Variants in SRGAP1 observed in about 807,000 individuals in gnomAD.
SRGAP1 encodes the protein SLIT-ROBO Rho GTPase-activating protein 1.
SRGAP1 carries 43 observed loss-of-function variants against 121.9 expected under a neutral mutation model. The observed-to-expected ratio is 0.35, with a 90% CI of 0.28 to 0.46. The LOEUF (loss-of-function observed/expected upper bound fraction) is 0.46. Among genes scored for constraint, SRGAP1 ranks in the 20% least tolerant of loss-of-function variants. The pLI is 1.00. For synonymous variants in SRGAP1, 447 were observed against 485.4 expected (o/e 0.92, Z 1.04); for missense variants, 1,102 against 1,350.9 (o/e 0.82, Z 2.89).
intron 1 of SRGAP1, among the ~76,000 whole-genome samples, chr12:63,939,486 A>C (rs993943356): frequency 6.6e-6 from 1 of 152,142 alleles, no homozygotes; most frequent in African/African-American, 2.4e-5. Flanking sequence ...TATTAAATGG[A>C]AGACCCGAAA....
At chr12:63,860,536 A>G (rs1247772163) in intron 1 of SRGAP1, among the ~76,000 whole-genome samples, 1 of 152,192 alleles carries the variant, frequency 6.6e-6, no homozygotes, top group African/African-American at 2.4e-5. Context: ...ATCAAGGAGA[A>G]AAAAATCTCA....
intron 1 of SRGAP1, among the ~76,000 whole-genome samples, chr12:63,944,722 A>G (rs943368687): frequency 6.6e-6 from 1 of 152,220 alleles, no homozygotes; most frequent in African/African-American, 2.4e-5. Context: ...GTTGCCTTTG[A>G]TAGTGCAGAG....
At chr12:63,996,201 TTTTAGGC>T (rs1161508912) in intron 3 of SRGAP1, among the ~76,000 whole-genome samples, 1 of 152,050 alleles carries the variant, frequency 6.6e-6, no homozygotes, top group Non-Finnish European at 1.5e-5. Context: ...TACTTTTAAA[TTTTAGGC>T]TCTATCTTTT....
chr12:63,922,567 T>C (rs1393620843), intron 1 of SRGAP1, among the ~76,000 whole-genome samples: 1 of 152,202 alleles, frequency 6.6e-6, no homozygotes, highest in Non-Finnish European at 1.5e-5. Context: ...TCCATGATCC[T>C]ACTTCAACCT....
intron 1 of SRGAP1, among the ~76,000 whole-genome samples, chr12:63,861,245 TCAAGCAATCTGCCCAGCTTAGCCTCA>T (rs1899436287): frequency 6.7e-6 from 1 of 149,844 alleles, no homozygotes; most frequent in Non-Finnish European, 1.5e-5. Context: ...ACTCCTGAGC[TCAAGCAATCTGCCCAGCTTAGCCTCA>T]CAAAGGGATG....
At chr12:64,031,637 T>C (rs1283759299) in intron 4 of SRGAP1, among the ~76,000 whole-genome samples, 1 of 152,132 alleles carries the variant, frequency 6.6e-6, no homozygotes, top group African/African-American at 2.4e-5. Context: ...CTAAATGTCA[T>C]CCTACACTAT....
chr12:64,078,793 T>C, intron 8 of SRGAP1, 126 bp from the exon 9 acceptor site: 1 of 887,384 alleles, frequency 1.1e-6, no homozygotes, highest in Non-Finnish European at 1.7e-6. Context: ...GTTTCTCTCC[T>C]AATAGACTGT....
At chr12:64,121,238 C>T (rs1374826835) in intron 18 of SRGAP1, among the ~76,000 whole-genome samples, 4 of 151,946 alleles carry the variant, frequency 2.6e-5, no homozygotes, top group African/African-American at 9.7e-5. Context: ...GTCTCAAACT[C>T]CTGGGCTCAA....
intron 1 of SRGAP1, chr12:63,888,436 C>A (rs1444640066): frequency 1.3e-5 from 2 of 152,114 alleles, no homozygotes; most frequent in Admixed American, 6.6e-5. Context: ...TTAATCTGTA[C>A]ATGGTGATTT....
intron 10 of SRGAP1, among the ~76,000 whole-genome samples, chr12:64,084,337 G>A (rs544504020): frequency 6.7e-6 from 1 of 149,216 alleles, no homozygotes; most frequent in African/African-American, 2.4e-5. Flanking sequence ...ATATGTTGGG[G>A]GGTGTGGCGA....
Position 63,886,521 on chromosome 12 carries a change from G to A in SRGAP1, c.67+41638G>A, listed in dbSNP as rs900193142. 9.4e-5 allele frequency among the ~76,000 whole-genome samples: 14 copies of A among 148,550 alleles called. No homozygotes were observed. The East Asian group carries it at 1.4e-3, about 14-fold the overall frequency. ...TTTTTTAAGACAGTCTCACCTTGTCGTCCAGGCTGGAGTCCAGGCACAATC... is the reference window on the plus strand; with the variant it reads ...TTTTTTAAGACAGTCTCACCTTGTCATCCAGGCTGGAGTCCAGGCACAATC... On this transcript the variant is annotated intron_variant, in intron 1 of 21. Coordinates refer to ENST00000355086, the MANE Select transcript of SRGAP1 (RefSeq NM_020762.4).
intron 1 of SRGAP1, among the ~76,000 whole-genome samples, chr12:63,960,087 A>G (rs1254487339): frequency 6.6e-6 from 1 of 152,198 alleles, no homozygotes; most frequent in East Asian, 1.9e-4. Flanking sequence ...ATTAGTGCCT[A>G]GACGATGGAT....
chr12:64,045,476 C>T (rs929735688), intron 6 of SRGAP1, among the ~76,000 whole-genome samples: 1 of 151,324 alleles, frequency 6.6e-6, no homozygotes. Flanking sequence ...CACTCTGTCA[C>T]GTAGGCTGGA....
chr12:63,982,484 C>T (rs1316782301), intron 1 of SRGAP1: 2 of 152,196 alleles, frequency 1.3e-5, no homozygotes, highest in East Asian at 3.8e-4. Flanking sequence ...CCTGACTCCC[C>T]ATTCAGAACC....
At chr12:64,037,584 T>C (rs1435480734) in intron 4 of SRGAP1, among the ~76,000 whole-genome samples, 1 of 152,270 alleles carries the variant, frequency 6.6e-6, no homozygotes. Context: ...CCAACTTATC[T>C]AATCTTATCC....
intron 4 of SRGAP1, among the ~76,000 whole-genome samples, chr12:64,018,090 T>A (rs7308431): frequency 6.6e-6 from 1 of 151,844 alleles, no homozygotes; most frequent in Non-Finnish European, 1.5e-5. Flanking sequence ...ACAAGATTAT[T>A]TTGTTTGTTG....
At chr12:64,092,505 T>TAC (rs1565677432) in intron 12 of SRGAP1, among the ~76,000 whole-genome samples, 58 of 142,320 alleles carry the variant, frequency 4.1e-4, no homozygotes, top group African/African-American at 1.6e-3. Context: ...TACATACATA[T>TAC]GTACATAGAT....
chr12:64,011,963 G>A (rs1428892192), intron 3 of SRGAP1, among the ~76,000 whole-genome samples: 1 of 152,086 alleles, frequency 6.6e-6, no homozygotes, highest in African/African-American at 2.4e-5. Flanking sequence ...AGCTGGGCAT[G>A]GTGGTGTGTG....
intron 1 of SRGAP1, among the ~76,000 whole-genome samples, chr12:63,933,990 A>G (rs1261905664): frequency 6.6e-6 from 1 of 152,218 alleles, no homozygotes; most frequent in Non-Finnish European, 1.5e-5. Context: ...ACCCAAGGAA[A>G]AAAGCCATCC....
Sources: allele counts gnomAD v4.1 joint callset (sites outside exome capture counted in the v4.1 genomes callset), GRCh38; gene constraint gnomAD v4.1.1; transcripts MANE v1.5; gene names NCBI Gene and HGNC (gene_info 2026-07-23, HGNC 2026-07-21).